Variants in MTUS2 observed in about 807,000 individuals in gnomAD.
MTUS2 encodes microtubule-associated tumor suppressor candidate 2.
MTUS2 carries 40 observed loss-of-function variants against 114.1 expected under a neutral mutation model. That is an observed-to-expected ratio of 0.35 (90% CI 0.27 to 0.46). MTUS2 has a LOEUF of 0.46. MTUS2 is among the 20% of genes least tolerant of loss of function. MTUS2 has a pLI of 1.00. For missense variants in MTUS2, 1,679 were observed against 1,705.4 expected (o/e 0.98, Z 0.27); for synonymous variants, 688 against 672.0 (o/e 1.02, Z -0.37).
chr13:28,930,435 T>C (rs929228741), intron 2 of MTUS2, among the ~76,000 whole-genome samples: 1 of 152,188 alleles, frequency 6.6e-6, no homozygotes, highest in South Asian at 2.1e-4. Context: ...CTCTGTTCCA[T>C]TGGGCTGGGA....
chr13:29,446,747 CT>C (rs1208251631), intron 9 of MTUS2, among the ~76,000 whole-genome samples: 5 of 152,178 alleles, frequency 3.3e-5, no homozygotes, highest in African/African-American at 1.2e-4. Flanking sequence ...TGGATTTCAT[CT>C]TAGTGTTGCT....
At chr13:29,471,760 A>C (rs1880331446) in intron 9 of MTUS2, among the ~76,000 whole-genome samples, 2 of 130,900 alleles carry the variant, frequency 1.5e-5, no homozygotes, top group Non-Finnish European at 3.4e-5. Context: ...CGACACATTG[A>C]TCTTAGGTCA....
chr13:29,459,228 G>A (rs1879319402), intron 9 of MTUS2, among the ~76,000 whole-genome samples: 1 of 152,164 alleles, frequency 6.6e-6, no homozygotes, highest in Non-Finnish European at 1.5e-5. Context: ...AGGGAGATGA[G>A]GACGGCGGGG....
intron 2 of MTUS2, among the ~76,000 whole-genome samples, chr13:28,938,106 C>T (rs1460050714): frequency 6.6e-6 from 1 of 152,102 alleles, no homozygotes; most frequent in Admixed American, 6.6e-5. Context: ...ATGTCTTGGC[C>T]GGGTGCGGTG....
intron 5 of MTUS2, among the ~76,000 whole-genome samples, chr13:29,278,288 T>C (rs923519437): frequency 1.3e-5 from 2 of 152,176 alleles, no homozygotes; most frequent in African/African-American, 4.8e-5. Flanking sequence ...TCAGGAGGGT[T>C]GCATTAAAAT....
intron 8 of MTUS2, among the ~76,000 whole-genome samples, chr13:29,411,989 G>C (rs1393831270): frequency 6.6e-6 from 1 of 152,094 alleles, no homozygotes; most frequent in Non-Finnish European, 1.5e-5. Context: ...TGTTGATTTT[G>C]TAGGGCTTTG....
chr13:29,166,961 A>G lies in MTUS2; in HGVS notation c.2644+65991A>G, dbSNP rs548776558. On this transcript the variant is annotated intron_variant, in intron 5 of 15. Transcript: ENST00000612955. ...AATGTAGTATCTGTGGCTGTATGATAGGAAGAACAGAAGTATCTACCAAGC... is the reference window on the plus strand; with the variant it reads ...AATGTAGTATCTGTGGCTGTATGATGGGAAGAACAGAAGTATCTACCAAGC... Among the ~76,000 whole-genome samples the G allele has an allele frequency of 3.3e-5, 5 of 152,364 alleles. No individual in the cohort carries two copies. In the South Asian group the frequency reaches 1.0e-3, roughly 32 times the overall value.
Position 29,255,108 on chromosome 13 carries a change from T to C in MTUS2, c.2645-26596T>C, listed in dbSNP as rs1897251222. Among the ~76,000 whole-genome samples the C allele has an allele frequency of 2.0e-5, 3 of 152,274 alleles. 1 individual carries two copies. Among genetic ancestry groups the C allele is most frequent in the African/African-American group, 7.2e-5 (3 of 41,556 alleles). On this transcript the variant is annotated intron_variant, in intron 5 of 15. Transcript: ENST00000612955. ...GGTGCACACATGCATCGGCAGTAAG[T>C]ATCTCCCCGGTGAACATTTTCTGAC... is the stretch of plus-strand genomic sequence containing the variant.
At chr13:29,158,243 A>G (rs1892945718) in intron 5 of MTUS2, among the ~76,000 whole-genome samples, 1 of 151,718 alleles carries the variant, frequency 6.6e-6, no homozygotes. Context: ...GTTCTGGAGG[A>G]CCTACCAAGT....
At chr13:29,011,836 T>C (rs1383402479) in intron 2 of MTUS2, among the ~76,000 whole-genome samples, 2 of 152,230 alleles carry the variant, frequency 1.3e-5, no homozygotes, top group African/African-American at 4.8e-5. Context: ...TTAATTGCTT[T>C]CTGGTTGCAT....
intron 9 of MTUS2, among the ~76,000 whole-genome samples, chr13:29,458,310 G>A (rs770820150): frequency 2.4e-4 from 36 of 152,188 alleles, no homozygotes; most frequent in Non-Finnish European, 4.7e-4. Flanking sequence ...TGGAAAAATA[G>A]AAAGTAAATC....
chr13:29,016,697 TA>T (rs1450885805), intron 2 of MTUS2, among the ~76,000 whole-genome samples: 1 of 152,114 alleles, frequency 6.6e-6, no homozygotes, highest in African/African-American at 2.4e-5. Context: ...GCTACCTCAA[TA>T]AAAAAGATAT....
intron 8 of MTUS2, among the ~76,000 whole-genome samples, chr13:29,399,167 A>G (rs1175867278): frequency 6.6e-6 from 1 of 152,216 alleles, no homozygotes; most frequent in Non-Finnish European, 1.5e-5. Context: ...ATATAGAGTA[A>G]CTTCCTGACG....
chr13:28,895,021 G>A (rs1039111847), intron 2 of MTUS2, among the ~76,000 whole-genome samples: 2 of 152,188 alleles, frequency 1.3e-5, no homozygotes, highest in Admixed American at 6.5e-5. Flanking sequence ...AATGTATTTC[G>A]AAGATCTCGA....
intron 5 of MTUS2, among the ~76,000 whole-genome samples, chr13:29,274,176 T>C (rs1897977194): frequency 6.6e-6 from 1 of 152,098 alleles, no homozygotes; most frequent in African/African-American, 2.4e-5. Context: ...TGCAGTGTTG[T>C]GGTCTCGGCT....
In MTUS2 at chr13:29,175,896, T is replaced by C. The variant is rs1374697333; in HGVS notation, c.2644+74926T>C. 1.3e-5 allele frequency among the ~76,000 whole-genome samples: 2 copies of C among 152,150 alleles called. 1 individual carries two copies. ...ATTTATTTAAACATTAAAGTACAAC[T>C]GTAACAGAGACAGGCTGGCCTTGGA... On this transcript the variant is annotated intron_variant, in intron 5 of 15. Coordinates refer to ENST00000612955, the MANE Select transcript of MTUS2 (RefSeq NM_001033602.4).
intron 5 of MTUS2, among the ~76,000 whole-genome samples, chr13:29,158,931 C>T (rs1259778536): frequency 8.5e-5 from 13 of 152,142 alleles, no homozygotes; most frequent in Non-Finnish European, 2.9e-5. Context: ...ACCAGCAGAG[C>T]CCAGGAACGG....
rs1900695319 is a variant in MTUS2, at chr13:29,329,872, CCA to C, written c.2905+5164_2905+5165del. Among the ~76,000 whole-genome samples, 2 of 152,104 alleles carry C rather than the reference CCA, an allele frequency of 1.3e-5. 1 individual carries two copies. The highest frequency in any genetic ancestry group is 4.1e-4 in the South Asian group (2 of 4,824). On this transcript the variant is annotated intron_variant, in intron 7 of 15. Transcript: ENST00000612955. ...CAGGTGATCCACCCATCTCAGCCTC[CCA>C]CAGTGCTGGGATTACAGGCGTGAGC...
intron 6 of MTUS2, among the ~76,000 whole-genome samples, chr13:29,294,255 A>G (rs143807878): frequency 2.0e-5 from 3 of 152,088 alleles, no homozygotes; most frequent in African/African-American, 7.2e-5. Context: ...GTTATTCTTT[A>G]TGTATAGTTC....
Sources: allele counts gnomAD v4.1 joint callset (sites outside exome capture counted in the v4.1 genomes callset), GRCh38; gene constraint gnomAD v4.1.1; transcripts MANE v1.5; gene names NCBI Gene and HGNC (gene_info 2026-07-23, HGNC 2026-07-21).